CTTNBP2: variants seen among roughly 807,000 people sequenced by gnomAD.
The protein encoded by CTTNBP2 is cortactin binding protein 2.
CTTNBP2 carries 108 observed loss-of-function variants against 156.9 expected under a neutral mutation model. That is an observed-to-expected ratio of 0.69 (90% confidence interval 0.59 to 0.81). The LOEUF (loss-of-function observed/expected upper bound fraction) is 0.81, where lower values mean the gene tolerates loss of function less well. CTTNBP2 is among the 30% of genes least tolerant of loss of function. The pLI is 0.00. For synonymous variants in CTTNBP2, 767 were observed against 751.8 expected, an observed-to-expected ratio of 1.02 and a Z score of -0.33; for missense variants, 1,924 against 2,035.4, an observed-to-expected ratio of 0.95 and a Z score of 1.05.
At chr7:117,860,404 G>A (rs923724751) in intron 2 of CTTNBP2, among the ~76,000 whole-genome samples, 1 of 151,408 alleles carries the variant, frequency 6.6e-6, no homozygotes, top group Admixed American at 6.6e-5. Flanking sequence ...GTGCAGTGGC[G>A]TGATCTCGAC....
At chr7:117,738,015 T>G (rs1795800738) in intron 14 of CTTNBP2, among the ~76,000 whole-genome samples, 1 of 152,166 alleles carries the variant, frequency 6.6e-6, no homozygotes, top group African/African-American at 2.4e-5. Context: ...TAAAAGCTGA[T>G]CCATATAGCA....
intron 1 of CTTNBP2, among the ~76,000 whole-genome samples, chr7:117,865,671 C>CAAAAAAAAAAA (rs61533705): frequency 2.7e-5 from 2 of 74,520 alleles, no homozygotes; most frequent in Non-Finnish European, 5.1e-5. Context: ...ACTCCATCTC[C>CAAAAAAAAAAA]AAAAAAAAAA....
chr7:117,786,430 AAAACAAAC>A (rs149142354), intron 4 of CTTNBP2: 6 of 442,374 alleles, frequency 1.4e-5, no homozygotes, highest in Admixed American at 1.3e-4. Flanking sequence ...TATTTTCTTA[AAAACAAAC>A]AAACAAACAA....
intron 2 of CTTNBP2, among the ~76,000 whole-genome samples, chr7:117,857,056 T>C (rs1803378431): frequency 6.6e-6 from 1 of 152,208 alleles, no homozygotes; most frequent in South Asian, 2.1e-4. Context: ...TATCTTGGTG[T>C]TCAGAAAATG....
intron 2 of CTTNBP2, among the ~76,000 whole-genome samples, chr7:117,846,589 A>G (rs1422350263): frequency 1.3e-5 from 2 of 152,094 alleles, no homozygotes; most frequent in Non-Finnish European, 2.9e-5. Flanking sequence ...AAAGAAATAT[A>G]CTTTAAAATA....
intron 8 of CTTNBP2, among the ~76,000 whole-genome samples, chr7:117,770,597 TG>T (rs1797748816): frequency 6.6e-6 from 1 of 152,194 alleles, no homozygotes; most frequent in Non-Finnish European, 1.5e-5. Context: ...AAAGCCCCTT[TG>T]GGCCAGGGGC....
At chr7:117,781,139 T>C (rs1440777095) in intron 6 of CTTNBP2, among the ~76,000 whole-genome samples, 1 of 152,190 alleles carries the variant, frequency 6.6e-6, no homozygotes, top group Non-Finnish European at 1.5e-5. Context: ...GTCAGGCTAG[T>C]TGATGAGGAA....
chr7:117,792,682 G>C lies in CTTNBP2; in HGVS notation c.514C>G (p.Leu172Val), dbSNP rs368374144. The C allele has an allele frequency of 2.2e-5, 35 of 1,613,784 alleles. No homozygotes were observed. The African/African-American group carries it at 4.4e-4, about 20-fold the overall frequency. The change falls in exon 4 of 23, where the codon CTG becomes GTG. Residue 172 changes from leucine (L) to valine (V), a missense_variant. Transcript: ENST00000160373. This position sits in a 1 kb window ranked among gnomAD's most constrained non-coding sequence, Gnocchi z 4.2. ...EERGKNKQVV[L>V]MLVKECKQLS... is the part of the protein sequence containing the mutation. ...TGCTTGCACTCTTTGACCAGCATCA[G>C]GACCACCTGCTTGTTCTTGCCACGC...
At chr7:117,785,545 G>T (rs1305315511) in intron 4 of CTTNBP2, among the ~76,000 whole-genome samples, 1 of 152,118 alleles carries the variant, frequency 6.6e-6, no homozygotes, top group Non-Finnish European at 1.5e-5. Context: ...AGACTATTTT[G>T]TCCTGACCAA....
At chr7:117,794,081 T>C (rs1585016604) in intron 3 of CTTNBP2, among the ~76,000 whole-genome samples, 1 of 152,174 alleles carries the variant, frequency 6.6e-6, no homozygotes, top group African/African-American at 2.4e-5. Flanking sequence ...TGGCACACAG[T>C]GGTGCTTAAT....
At chr7:117,870,142 A>G (rs1338530571) in intron 1 of CTTNBP2, among the ~76,000 whole-genome samples, 1 of 152,170 alleles carries the variant, frequency 6.6e-6, no homozygotes, top group East Asian at 1.9e-4. Context: ...TTTGCCTCTC[A>G]TGACACCATC....
Position 117,767,094 on chromosome 7 carries a change from G to A in CTTNBP2, c.2861C>T (p.Ala954Val). Residue 954 changes from alanine (A) to valine (V), a missense_variant, in exon 9 of 23, where the codon GCC becomes GTC. Physicochemically the swap from Ala to Val is moderately conservative, Grantham distance 64. Coordinates refer to ENST00000160373, the MANE Select transcript of CTTNBP2 (RefSeq NM_033427.3). ...DKCNRTVHDV[A>V]TDDCKHLLEN... ...CAGCAAATGCTTGCAGTCATCAGTGGCAACATCATGCACAGTCCGATTGCA... is the reference window on the plus strand; with the variant it reads ...CAGCAAATGCTTGCAGTCATCAGTGACAACATCATGCACAGTCCGATTGCA... The A allele has an allele frequency of 6.2e-7, 1 of 1,608,980 alleles. No individual in the cohort carries two copies. Among genetic ancestry groups the A allele is most frequent in the South Asian group, 1.1e-5 (1 of 90,952 alleles).
Position 117,756,619 on chromosome 7 carries a change from C to T in CTTNBP2, c.3284G>A (p.Cys1095Tyr). Residue 1095 changes from cysteine to tyrosine, a missense_variant, in exon 12 of 23, where the codon TGT becomes TAT. Physicochemically the swap from Cys to Tyr is radical, Grantham distance 194. Coordinates refer to ENST00000160373, the MANE Select transcript of CTTNBP2 (RefSeq NM_033427.3). ...GGAGGCATAAGTCACACTACTGAGA[C>T]AGCCTTCTTGAGGACCTGTAGGAAA... is the stretch of plus-strand genomic sequence containing the variant. ...TVLLSGPQEGCLSSVTYASMI... is the reference protein window; with the variant it reads ...TVLLSGPQEGYLSSVTYASMI... 1 of 1,613,070 alleles carries T rather than the reference C, an allele frequency of 6.2e-7. No homozygotes were observed. Among genetic ancestry groups the T allele is most frequent in the Non-Finnish European group, 8.5e-7 (1 of 1,179,040 alleles).
intron 6 of CTTNBP2, among the ~76,000 whole-genome samples, chr7:117,782,006 T>C (rs1250839686): frequency 6.6e-6 from 1 of 152,196 alleles, no homozygotes; most frequent in Non-Finnish European, 1.5e-5. Flanking sequence ...TGCAGAAAAG[T>C]GAATCATGCT....
rs551808722 is a variant in CTTNBP2 at position 117,862,874 on chromosome 7, C to G, written c.82-1558G>C. 1.7e-4 allele frequency among the ~76,000 whole-genome samples: 26 copies of G among 152,260 alleles called. No individual in the cohort carries two copies. The East Asian group carries it at 4.8e-3, about 28-fold the overall frequency. ...TGATATATGCAGATCATGCAACTAA[C>G]CAGTAAATGGTAAAATCAGGATATA... is the stretch of plus-strand genomic sequence containing the variant. On this transcript the variant is annotated intron_variant, in intron 1 of 22. Coordinates refer to ENST00000160373, the MANE Select transcript of CTTNBP2 (RefSeq NM_033427.3).
chr7:117,726,862 G>A (rs904390100), intron 17 of CTTNBP2, among the ~76,000 whole-genome samples: 1 of 152,100 alleles, frequency 6.6e-6, no homozygotes. Context: ...CTGTGTTGTG[G>A]GTGATGAAGT....
chr7:117,836,464 T>C (rs1455976658), intron 2 of CTTNBP2, among the ~76,000 whole-genome samples: 1 of 152,106 alleles, frequency 6.6e-6, no homozygotes, highest in Non-Finnish European at 1.5e-5. Flanking sequence ...CTCCGGAGGC[T>C]GAGGCAGGAG....
intron 11 of CTTNBP2, among the ~76,000 whole-genome samples, chr7:117,757,224 TCCC>T (rs1437550492): frequency 6.6e-6 from 1 of 152,096 alleles, no homozygotes; most frequent in Admixed American, 6.5e-5. Context: ...CAGACTCCAT[TCCC>T]AAGTATGGGA....
intron 8 of CTTNBP2, among the ~76,000 whole-genome samples, chr7:117,768,806 T>G (rs1562988192): frequency 6.6e-6 from 1 of 152,180 alleles, no homozygotes; most frequent in Non-Finnish European, 1.5e-5. Flanking sequence ...GGAATCATAC[T>G]GTATGTAGGT....
Sources: allele counts gnomAD v4.1 joint callset (sites outside exome capture counted in the v4.1 genomes callset), GRCh38; gene constraint gnomAD v4.1.1; non-coding constraint Gnocchi (gnomAD v3.1); transcripts MANE v1.5; gene names NCBI Gene and HGNC (gene_info 2026-07-23, HGNC 2026-07-21).